Variants in TMEM108 observed in about 807,000 individuals in gnomAD.
TMEM108 encodes cancer/testis antigen 124.
A neutral mutation model predicts 35.1 loss-of-function variants in TMEM108; 12 were observed. The ratio of observed to expected loss-of-function variants is 0.34; its 90% CI spans 0.22 to 0.55. The LOEUF is 0.55. Ranked by LOEUF, TMEM108 falls within the 20% of genes least tolerant of loss-of-function variation. The probability of loss-of-function intolerance (pLI) is 0.89; values close to 1 mark genes in which losing one functional copy is unlikely to be tolerated. For missense variants in TMEM108, 680 were observed against 753.3 expected (o/e 0.90, Z 1.14); for synonymous variants, 287 against 308.6 (o/e 0.93, Z 0.73).
chr3:133,074,093 G>A (rs1473535481), intron 2 of TMEM108, among the ~76,000 whole-genome samples: 1 of 152,042 alleles, frequency 6.6e-6, no homozygotes, highest in Non-Finnish European at 1.5e-5. Context: ...CAAGTTACTT[G>A]TACCTGTCTC....
rs1442816229 is a variant in TMEM108 at position 133,379,732 on chromosome 3, C to T, written c.41-20C>T. On this transcript the variant is annotated intron_variant, in intron 3 of 5. Transcript: ENST00000321871. The stretch of plus-strand genomic sequence containing the variant: ...CTGCTCCCCAAGTATTTTACCTCTT[C>T]TCTCTGTCTCCTTTTCAAGGTTTCC... 3 of 1,606,530 alleles carry T rather than the reference C, an allele frequency of 1.9e-6. No individual in the cohort carries two copies. The Admixed American group carries it at 5.0e-5, about 27-fold the overall frequency.
chr3:133,176,707 A>G (rs947878528), intron 2 of TMEM108, among the ~76,000 whole-genome samples: 19 of 151,742 alleles, frequency 1.3e-4, no homozygotes, highest in African/African-American at 4.3e-4. Context: ...TGCCCACAAG[A>G]GAAAGCAGGA....
chr3:133,395,290 C>T (rs747649614), intron 5 of TMEM108, among the ~76,000 whole-genome samples: 1 of 152,138 alleles, frequency 6.6e-6, no homozygotes, highest in African/African-American at 2.4e-5. Context: ...TAATTCTGAC[C>T]AGGCTCTGGA....
At chr3:133,144,803 T>G (rs1944692843) in intron 2 of TMEM108, among the ~76,000 whole-genome samples, 2 of 152,342 alleles carry the variant, frequency 1.3e-5, no homozygotes, top group Non-Finnish European at 2.9e-5. Flanking sequence ...GCCCACTTTT[T>G]GATGGGGTTG....
chr3:133,079,616 A>G (rs1943785324), intron 2 of TMEM108, among the ~76,000 whole-genome samples: 2 of 152,178 alleles, frequency 1.3e-5, no homozygotes, highest in African/African-American at 4.8e-5. Flanking sequence ...TGATCTAATC[A>G]TGTCTGAAAG....
At chr3:133,358,326 T>C (rs2072239243) in intron 3 of TMEM108, among the ~76,000 whole-genome samples, 1 of 151,984 alleles carries the variant, frequency 6.6e-6, no homozygotes, top group Non-Finnish European at 1.5e-5. Context: ...CGCGAACCAC[T>C]ACGCCTGGCT....
At chr3:133,209,228 G>T (rs910589187) in intron 2 of TMEM108, among the ~76,000 whole-genome samples, 5 of 144,914 alleles carry the variant, frequency 3.5e-5, no homozygotes, top group Non-Finnish European at 7.6e-5. Flanking sequence ...TTTTTTTAAG[G>T]AATGGGGTTT....
chr3:133,313,388 G>A (rs954478250), intron 3 of TMEM108, among the ~76,000 whole-genome samples: 3 of 151,850 alleles, frequency 2.0e-5, no homozygotes, highest in Admixed American at 6.6e-5. Context: ...TAGTAGAGAC[G>A]GGTTTTCACC....
Position 133,191,483 on chromosome 3 carries a change from A to G in TMEM108, c.-46-37783A>G, listed in dbSNP as rs373099345. On this transcript the variant is annotated intron_variant, in intron 2 of 5. Coordinates refer to ENST00000321871, the MANE Select transcript of TMEM108 (RefSeq NM_023943.4). ...AACCACAAAATAACAGTAGGTGACA[A>G]TCATACGAGTATATTTTTCACTCAT... Among the ~76,000 whole-genome samples the G allele has an allele frequency of 2.0e-5, 3 of 152,186 alleles. No individual in the cohort carries two copies. In the East Asian group the frequency reaches 5.8e-4, roughly 29 times the overall value.
At chr3:133,291,583 G>A (rs1315424085) in intron 3 of TMEM108, among the ~76,000 whole-genome samples, 1 of 135,126 alleles carries the variant, frequency 7.4e-6, no homozygotes, top group Non-Finnish European at 1.7e-5. Flanking sequence ...AGGCCTACCA[G>A]TGAGTTTTTT....
intron 3 of TMEM108, among the ~76,000 whole-genome samples, chr3:133,261,424 T>C (rs898355433): frequency 2.0e-5 from 3 of 152,176 alleles, no homozygotes; most frequent in Non-Finnish European, 4.4e-5. Flanking sequence ...CTTTTAAAAA[T>C]GCATTTCTGA....
intron 2 of TMEM108, among the ~76,000 whole-genome samples, chr3:133,050,057 GAA>G (rs1459133557): frequency 5.9e-5 from 9 of 152,072 alleles, no homozygotes; most frequent in African/African-American, 2.2e-4. Context: ...TAGTTGCTCA[GAA>G]ATTATAATTA....
At chr3:133,139,073 C>G (rs1944605149) in intron 2 of TMEM108, among the ~76,000 whole-genome samples, 1 of 152,094 alleles carries the variant, frequency 6.6e-6, no homozygotes, top group South Asian at 2.1e-4. Flanking sequence ...AGCTTCATGT[C>G]CCTGCAAAGG....
chr3:133,078,140 A>G (rs963168577), intron 2 of TMEM108, among the ~76,000 whole-genome samples: 1 of 106,224 alleles, frequency 9.4e-6, no homozygotes, highest in South Asian at 2.8e-4. Flanking sequence ...TATGGAGCTC[A>G]GTGTGTGTGT....
intron 2 of TMEM108, among the ~76,000 whole-genome samples, chr3:133,089,616 G>A (rs541555309): frequency 1.3e-5 from 2 of 152,266 alleles, no homozygotes; most frequent in Admixed American, 1.3e-4. Context: ...AGGACAGAGA[G>A]GAGAAAAGAT....
intron 1 of TMEM108, among the ~76,000 whole-genome samples, chr3:133,041,635 C>T (rs1383436618): frequency 1.3e-5 from 2 of 152,130 alleles, no homozygotes; most frequent in African/African-American, 2.4e-5. Context: ...TGTACATGTG[C>T]GTTTCTGAAG....
chr3:133,203,660 G>A (rs1161158172), intron 2 of TMEM108, among the ~76,000 whole-genome samples: 1 of 152,122 alleles, frequency 6.6e-6, no homozygotes, highest in Non-Finnish European at 1.5e-5. Context: ...TGATCATGGT[G>A]GATAAGCTAT....
At chr3:133,121,967 A>G (rs1197381532) in intron 2 of TMEM108, among the ~76,000 whole-genome samples, 2 of 152,148 alleles carry the variant, frequency 1.3e-5, no homozygotes, top group Non-Finnish European at 2.9e-5. Context: ...AGTGAAGAAG[A>G]GAAGTTTCTC....
In TMEM108 at chr3:133,068,032, C is replaced by G. The variant is rs193072055; in HGVS notation, c.-47+22012C>G. The stretch of plus-strand genomic sequence containing the variant: ...AATCAGGCTAAACTCATCCTTTTAT[C>G]AGGAGCTCATTTTCATGGTAACTAA... On this transcript the variant is annotated intron_variant, in intron 2 of 5. Coordinates refer to ENST00000321871, the MANE Select transcript of TMEM108 (RefSeq NM_023943.4). Among the ~76,000 whole-genome samples, 9 of 151,916 alleles carry G rather than the reference C, an allele frequency of 5.9e-5. No individual in the cohort carries two copies. In the East Asian group the frequency reaches 1.5e-3, roughly 26 times the overall value.
Sources: allele counts gnomAD v4.1 joint callset (sites outside exome capture counted in the v4.1 genomes callset), GRCh38; gene constraint gnomAD v4.1.1; transcripts MANE v1.5; gene names NCBI Gene and HGNC (gene_info 2026-07-23, HGNC 2026-07-21).